The following CSMD3 variants were observed in gnomAD, a reference collection of about 807,000 sequenced individuals.
CSMD3 encodes CUB and sushi domain-containing protein 3.
A neutral mutation model predicts 435.2 loss-of-function variants in CSMD3; 177 were observed. The observed-to-expected ratio is 0.41, with a 90% CI of 0.36 to 0.46. CSMD3 has a LOEUF of 0.46. Among genes scored for constraint, CSMD3 ranks in the 20% least tolerant of loss-of-function variants. The pLI, the probability that CSMD3 is intolerant of heterozygous loss-of-function variation, is 0.34. For missense variants in CSMD3, 4,265 were observed against 4,504.6 expected, an observed-to-expected ratio of 0.95 and a Z score of 1.52; for synonymous variants, 1,656 against 1,520.5, an observed-to-expected ratio of 1.09 and a Z score of -2.07.
chr8:113,004,978 A>G (rs2086001965), intron 6 of CSMD3, among the ~76,000 whole-genome samples: 1 of 151,830 alleles, frequency 6.6e-6, no homozygotes, highest in Admixed American at 6.6e-5. Flanking sequence ...AATGTTATAC[A>G]TCATTATATA....
At chr8:113,113,220 T>G in intron 4 of CSMD3, among the ~76,000 whole-genome samples, 1 of 152,158 alleles carries the variant, frequency 6.6e-6, no homozygotes, top group Non-Finnish European at 1.5e-5. Flanking sequence ...TATTTATAGA[T>G]ACAGGGATGC....
chr8:112,276,183 A>G (rs1194696152), intron 59 of CSMD3, among the ~76,000 whole-genome samples: 2 of 152,186 alleles, frequency 1.3e-5, no homozygotes, highest in African/African-American at 4.8e-5. Context: ...TAAAGCTCCA[A>G]AATAATCTTC....
At chr8:113,223,183 CA>C (rs1333067927) in intron 3 of CSMD3, among the ~76,000 whole-genome samples, 15 of 150,396 alleles carry the variant, frequency 1.0e-4, no homozygotes, top group African/African-American at 3.6e-4. Flanking sequence ...AATATTTACT[CA>C]AAATATAGCT....
At chr8:113,135,892 C>T (rs1277289430) in intron 4 of CSMD3, among the ~76,000 whole-genome samples, 3 of 151,650 alleles carry the variant, frequency 2.0e-5, no homozygotes, top group African/African-American at 4.8e-5. Flanking sequence ...TTAAAAAATA[C>T]GTATTTTAAG....
chr8:112,748,209 G>GA (rs1422681279), intron 13 of CSMD3, among the ~76,000 whole-genome samples: 2 of 152,114 alleles, frequency 1.3e-5, no homozygotes, highest in East Asian at 1.9e-4. Context: ...AGCTAAGTAG[G>GA]AAAAAATCAG....
At chr8:112,954,390 GAACTA>G (rs1197400969) in intron 8 of CSMD3, among the ~76,000 whole-genome samples, 3 of 151,378 alleles carry the variant, frequency 2.0e-5, no homozygotes, top group Admixed American at 1.3e-4. Context: ...TCACCTTCTA[GAACTA>G]AACTTGAGTG....
chr8:113,298,393 T>C (rs2093738401), intron 2 of CSMD3, among the ~76,000 whole-genome samples: 1 of 152,150 alleles, frequency 6.6e-6, no homozygotes, highest in South Asian at 2.1e-4. Flanking sequence ...ACTTCAACTG[T>C]AAATTGATAT....
At chr8:112,884,393 T>C (rs928076588) in intron 10 of CSMD3, among the ~76,000 whole-genome samples, 1 of 151,872 alleles carries the variant, frequency 6.6e-6, no homozygotes, top group African/African-American at 2.4e-5. Context: ...TTTGTGTTTA[T>C]GCAGATTTCT....
intron 10 of CSMD3, among the ~76,000 whole-genome samples, chr8:112,898,034 G>A (rs1277346500): frequency 1.3e-5 from 2 of 151,028 alleles, no homozygotes; most frequent in East Asian, 3.9e-4. Context: ...CAGATTATTT[G>A]TTATACGTAT....
chr8:113,174,680 A>T lies in CSMD3; in HGVS notation c.515-764T>A, dbSNP rs537480443. ...ATCCAACTTTAGATTAAATGAAAAAATTTTTTTGAAAATAGCAGAACTTCA... is the reference window on the plus strand; with the variant it reads ...ATCCAACTTTAGATTAAATGAAAAATTTTTTTTGAAAATAGCAGAACTTCA... On this transcript the variant is annotated intron_variant, in intron 3 of 70. Coordinates refer to ENST00000297405, the MANE Select transcript of CSMD3 (RefSeq NM_198123.2). 7.9e-5 allele frequency among the ~76,000 whole-genome samples: 12 copies of T among 152,012 alleles called. No homozygotes were observed. The East Asian group carries it at 1.4e-3, about 17-fold the overall frequency.
intron 24 of CSMD3, among the ~76,000 whole-genome samples, chr8:112,571,684 C>A (rs1455687296): frequency 6.6e-6 from 1 of 151,658 alleles, no homozygotes; most frequent in Non-Finnish European, 1.5e-5. Context: ...GACTGGCCAA[C>A]ATGGTGAAAC....
At chr8:113,278,006 A>T (rs1182100741) in intron 3 of CSMD3, among the ~76,000 whole-genome samples, 1 of 151,996 alleles carries the variant, frequency 6.6e-6, no homozygotes, top group Non-Finnish European at 1.5e-5. Flanking sequence ...GTGATAAATA[A>T]AGATCATAAA....
At chr8:113,289,525 T>C (rs1360213716) in intron 2 of CSMD3, among the ~76,000 whole-genome samples, 1 of 146,326 alleles carries the variant, frequency 6.8e-6, no homozygotes, top group Non-Finnish European at 1.5e-5. Context: ...TTGATGAAGA[T>C]TCTCAATTAG....
At chr8:113,273,372 C>T (rs7001577) in intron 3 of CSMD3, among the ~76,000 whole-genome samples, 55,722 of 151,392 alleles carry the variant, frequency 0.37, 11,066 homozygotes, top group African/African-American at 0.52. Context: ...TTGTTTTTTG[C>T]GGTTTCAGTT....
At chr8:113,362,568 AC>A (rs1701555704) in intron 1 of CSMD3, among the ~76,000 whole-genome samples, 1 of 152,050 alleles carries the variant, frequency 6.6e-6, no homozygotes, top group African/African-American at 2.4e-5. Flanking sequence ...TTTAATGAAA[AC>A]TTTTAAGCCC....
intron 22 of CSMD3, among the ~76,000 whole-genome samples, chr8:112,594,714 C>G (rs1831526344): frequency 6.6e-6 from 1 of 152,186 alleles, no homozygotes; most frequent in Non-Finnish European, 1.5e-5. Flanking sequence ...CCCCTGACCC[C>G]CCGAGCAGCC....
chr8:113,418,682 T>C (rs1464851324), intron 1 of CSMD3, among the ~76,000 whole-genome samples: 1 of 152,192 alleles, frequency 6.6e-6, no homozygotes, highest in Non-Finnish European at 1.5e-5. Context: ...CCACATGCTG[T>C]CTGTACTACT....
At chr8:113,196,731 T>C (rs2092660445) in intron 3 of CSMD3, among the ~76,000 whole-genome samples, 1 of 151,236 alleles carries the variant, frequency 6.6e-6, no homozygotes, top group African/African-American at 2.4e-5. Flanking sequence ...TCAATTAAAG[T>C]ACCTTTCACA....
chr8:113,343,552 G>A (rs928997820), intron 1 of CSMD3, among the ~76,000 whole-genome samples: 7 of 152,096 alleles, frequency 4.6e-5, no homozygotes, highest in African/African-American at 1.7e-4. Context: ...GAAAAATACA[G>A]AAGAACTATC....
Sources: gnomAD v4.1 joint callset for allele counts (sites outside exome capture counted in the v4.1 genomes callset) on GRCh38, gnomAD v4.1.1 for gene constraint, MANE v1.5 for transcripts, NCBI Gene and HGNC (gene_info 2026-07-23, HGNC 2026-07-21) for gene names.